The following PTK2 variants were observed in gnomAD, a reference collection of about 807,000 sequenced individuals.
PTK2 encodes focal adhesion kinase 1.
A neutral mutation model predicts 150.1 loss-of-function variants in PTK2; 45 were observed. The observed-to-expected ratio is 0.30, with a 90% confidence interval of 0.24 to 0.38. PTK2 has a LOEUF of 0.38. Among genes scored for constraint, PTK2 ranks in the 10% least tolerant of loss-of-function variants. The pLI is 1.00. For synonymous variants in PTK2, 432 were observed against 449.2 expected (o/e 0.96, Z 0.48); for missense variants, 919 against 1,307.3 (o/e 0.70, Z 4.58).
At position 140,677,440 on chromosome 8, in the gene PTK2, G is replaced by A. The variant is rs544379765; in HGVS notation, c.2563-1941C>T. ...AGTTCTCCTTCAAGTTGTCATACCT[G>A]AAACTGCACTTAAAATAGTCTTTCT... On this transcript the variant is annotated intron_variant, in intron 27 of 31. Transcript: ENST00000522684. 2.6e-5 allele frequency among the ~76,000 whole-genome samples: 4 copies of A among 152,302 alleles called. No homozygotes were observed. In the South Asian group the frequency reaches 8.3e-4, roughly 32 times the overall value.
exon 29 of PTK2, chr8:140,674,361 G>A (rs758175106): frequency 1.9e-6 from 3 of 1,606,512 alleles, no homozygotes; most frequent in Non-Finnish European, 1.7e-6. Context: ...CCAGATGACC[G>A]GGAGCTCCAG....
intron 1 of PTK2, among the ~76,000 whole-genome samples, chr8:140,936,141 G>C (rs2100173546): frequency 6.6e-6 from 1 of 152,040 alleles, no homozygotes; most frequent in Non-Finnish European, 1.5e-5. Context: ...AGCCTGAGCT[G>C]GAGTAAAACT....
intron 18 of PTK2, chr8:140,746,532 G>C: frequency 5.4e-6 from 2 of 373,288 alleles, no homozygotes; most frequent in East Asian, 4.1e-5. Context: ...TCCTGATAAA[G>C]TACTTGGCTG....
chr8:140,844,130 G>A (rs1018793055), intron 7 of PTK2, among the ~76,000 whole-genome samples: 7 of 152,110 alleles, frequency 4.6e-5, no homozygotes, highest in African/African-American at 1.4e-4. Flanking sequence ...TTTTTATTAT[G>A]AGGAAGGCCA....
rs919856652 is a variant in PTK2, at chr8:140,724,384, G to A, written c.2031-6675C>T. 4.6e-5 allele frequency among the ~76,000 whole-genome samples: 7 copies of A among 152,268 alleles called. No individual in the cohort carries two copies. The South Asian group carries it at 1.5e-3, about 32-fold the overall frequency. ...TCTTCATTTCTGTAATATTTTCCCT[G>A]AGACTGACTGTACTACTAACTTTTC... On this transcript the variant is annotated intron_variant, in intron 22 of 31. Coordinates refer to ENST00000522684, the Ensembl canonical transcript of PTK2.
intron 17 of PTK2, among the ~76,000 whole-genome samples, chr8:140,747,909 G>C (rs1390895494): frequency 6.6e-6 from 1 of 152,222 alleles, no homozygotes; most frequent in East Asian, 1.9e-4. Flanking sequence ...TGGTAAGTAG[G>C]AGTGTGTAAT....
chr8:140,824,670 G>T (rs1029677939), intron 8 of PTK2, among the ~76,000 whole-genome samples: 2 of 152,156 alleles, frequency 1.3e-5, no homozygotes, highest in African/African-American at 4.8e-5. Context: ...ATCTTAGAAA[G>T]CATTAGTTCT....
At chr8:140,789,437 G>A (rs1235301796) in intron 14 of PTK2, 37 bp downstream of exon 14, 2 of 1,603,734 alleles carry the variant, frequency 1.2e-6, no homozygotes. Flanking sequence ...TACCCCATGA[G>A]AGTGCTTTTC....
chr8:140,934,467 A>G (rs1463391426), intron 1 of PTK2: 1 of 152,146 alleles, frequency 6.6e-6, no homozygotes, highest in Non-Finnish European at 1.5e-5. Flanking sequence ...TAGCAACTCC[A>G]TTCTCCTAGC....
intron 23 of PTK2, among the ~76,000 whole-genome samples, chr8:140,708,646 C>CT (rs2100035121): frequency 6.6e-6 from 1 of 151,992 alleles, no homozygotes; most frequent in African/African-American, 2.4e-5. Context: ...TGAATTCCCC[C>CT]AAAAACACCC....
intron 8 of PTK2, among the ~76,000 whole-genome samples, chr8:140,820,290 A>G (rs1430037751): frequency 6.6e-6 from 1 of 150,872 alleles, no homozygotes; most frequent in Non-Finnish European, 1.5e-5. Context: ...TAGTAGAGAC[A>G]GGGTTTCATC....
intron 22 of PTK2, chr8:140,732,445 G>C (rs745370088): frequency 5.5e-5 from 24 of 435,176 alleles, no homozygotes; most frequent in Non-Finnish European, 1.0e-4. Flanking sequence ...ATTTACCTCA[G>C]TGGAGCATTC....
At chr8:140,732,564 G>A (rs1184063799) in intron 22 of PTK2, 1 of 529,490 alleles carries the variant, frequency 1.9e-6, no homozygotes, top group Non-Finnish European at 3.9e-6. Context: ...GGGCAACACC[G>A]AGGTGAGTAT....
exon 32 of PTK2, chr8:140,659,484 C>T: frequency 6.2e-7 from 1 of 1,612,618 alleles, no homozygotes; most frequent in Non-Finnish European, 8.5e-7. Flanking sequence ...GTCTCGTCTG[C>T]CCAAGCATTT....
chr8:140,904,147 T>C (rs932130401), intron 2 of PTK2, among the ~76,000 whole-genome samples: 3 of 152,214 alleles, frequency 2.0e-5, no homozygotes, highest in Non-Finnish European at 4.4e-5. Context: ...TTGTCATAAA[T>C]AGCTCTTATT....
chr8:140,951,314 T>G (rs954677102), intron 1 of PTK2, among the ~76,000 whole-genome samples: 3 of 152,220 alleles, frequency 2.0e-5, no homozygotes, highest in African/African-American at 7.2e-5. Context: ...AGCTAGCTGC[T>G]TCGCAACCAG....
chr8:140,876,146 T>C (rs1170078421), intron 4 of PTK2, among the ~76,000 whole-genome samples: 1 of 152,184 alleles, frequency 6.6e-6, no homozygotes, highest in Non-Finnish European at 1.5e-5. Flanking sequence ...AAAAATCAGT[T>C]ACTATCTTGT....
intron 1 of PTK2, among the ~76,000 whole-genome samples, chr8:140,961,546 C>T (rs1021426170): frequency 6.6e-6 from 1 of 151,950 alleles, no homozygotes; most frequent in Non-Finnish European, 1.5e-5. Context: ...CCTGTAGTCC[C>T]AGCTACTTGG....
At chr8:140,967,651 G>A (rs941609815) in intron 1 of PTK2, among the ~76,000 whole-genome samples, 6 of 151,848 alleles carry the variant, frequency 4.0e-5, no homozygotes, top group Non-Finnish European at 8.8e-5. Flanking sequence ...GTAGAGACAG[G>A]GTTTCACCAT....
Sources: gnomAD v4.1 joint callset for allele counts (sites outside exome capture counted in the v4.1 genomes callset) on GRCh38, gnomAD v4.1.1 for gene constraint, MANE v1.5 for transcripts, NCBI Gene and HGNC (gene_info 2026-07-23, HGNC 2026-07-21) for gene names.